Variants in ATXN7L1 observed in about 807,000 individuals in gnomAD.
ATXN7L1 encodes ataxin 7 like 1, also known as ataxin-7-like protein 1.
Under a neutral mutation model 70.8 loss-of-function variants are expected in ATXN7L1, and 15 were observed. The ratio of observed to expected loss-of-function variants is 0.21; its 90% CI spans 0.14 to 0.33. ATXN7L1 has a LOEUF of 0.33. Among genes scored for constraint, ATXN7L1 ranks in the 10% least tolerant of loss-of-function variants. The pLI is 1.00. For synonymous variants in ATXN7L1, 440 were observed against 445.1 expected (o/e 0.99, Z 0.14); for missense variants, 975 against 1,097.1 (o/e 0.89, Z 1.57).
intron 2 of ATXN7L1, chr7:105,819,654 C>G (rs1051891592): frequency 2.0e-5 from 19 of 930,132 alleles, no homozygotes; most frequent in Non-Finnish European, 3.3e-5. Flanking sequence ...GTTGAAGTAC[C>G]TGGTCTTCCT....
At chr7:105,803,709 G>A (rs974669778) in intron 2 of ATXN7L1, among the ~76,000 whole-genome samples, 30 of 152,294 alleles carry the variant, frequency 2.0e-4, no homozygotes, top group Non-Finnish European at 4.0e-4. Context: ...CTGCATTTTG[G>A]AACAAAGTTT....
chr7:105,815,843 C>T (rs948465568), intron 2 of ATXN7L1, among the ~76,000 whole-genome samples: 1 of 152,106 alleles, frequency 6.6e-6, no homozygotes, highest in Non-Finnish European at 1.5e-5. Context: ...AGCTGGGGAC[C>T]GAGAGTTCAC....
rs1371758041 is a variant in ATXN7L1, at chr7:105,605,181, G to C, written c.*2671C>G. 6.6e-6 allele frequency: 1 copy of C among 151,450 alleles called. No individual in the cohort carries two copies. Among genetic ancestry groups the C allele is most frequent in the Non-Finnish European group, 1.5e-5 (1 of 67,962 alleles). The allele number at this position is 151,450 out of a possible 1,614,324, so 9.4% of individuals were successfully genotyped here. A position where few individuals can be genotyped will look rare whatever the true frequency, so the allele number is the denominator to read the frequency against. ...AAAGAGGGGTGTGTGCAGTCAAGGG[G>C]CTGGGAGAGAAGACTGAGTGGGTGT... On this transcript the variant is annotated 3_prime_UTR_variant, in exon 12 of 12. Coordinates refer to ENST00000419735, the MANE Select transcript of ATXN7L1 (RefSeq NM_020725.2).
chr7:105,871,356 A>G (rs558466893), intron 2 of ATXN7L1, among the ~76,000 whole-genome samples: 53 of 152,314 alleles, frequency 3.5e-4, no homozygotes, highest in African/African-American at 1.2e-3. Flanking sequence ...ATATAAGCCC[A>G]TCTAAGCATA....
At chr7:105,666,525 C>A (rs918731651) in intron 3 of ATXN7L1, among the ~76,000 whole-genome samples, 2 of 152,216 alleles carry the variant, frequency 1.3e-5, no homozygotes, top group Non-Finnish European at 2.9e-5. Flanking sequence ...CCACCTGTGG[C>A]CAGCTGCGAC....
At chr7:105,766,337 T>G (rs970230878) in intron 3 of ATXN7L1, among the ~76,000 whole-genome samples, 1 of 152,076 alleles carries the variant, frequency 6.6e-6, no homozygotes, top group African/African-American at 2.4e-5. Context: ...TATGCACCTT[T>G]CCCACTGACT....
chr7:105,701,139 C>T (rs1792405420), intron 3 of ATXN7L1, among the ~76,000 whole-genome samples: 1 of 150,908 alleles, frequency 6.6e-6, no homozygotes, highest in African/African-American at 2.4e-5. Flanking sequence ...CTAAAAATTA[C>T]AGCAAAAGGG....
intron 2 of ATXN7L1, chr7:105,819,879 GC>G: frequency 1.7e-6 from 1 of 584,498 alleles, no homozygotes; most frequent in South Asian, 1.4e-5. Flanking sequence ...TGCATCTGAA[GC>G]CTACAAGAAA....
At chr7:105,819,639 T>A (rs2116561070) in intron 2 of ATXN7L1, 1 of 889,156 alleles carries the variant, frequency 1.1e-6, no homozygotes. Context: ...TTTCTACAGA[T>A]ACAAGTTGAA....
intron 5 of ATXN7L1, among the ~76,000 whole-genome samples, chr7:105,639,845 G>A (rs1053349181): frequency 1.3e-5 from 2 of 152,200 alleles, no homozygotes; most frequent in Non-Finnish European, 2.9e-5. Flanking sequence ...GGAATAGGGC[G>A]GGAGCAGGCA....
chr7:105,788,875 C>G (rs1237484007), intron 2 of ATXN7L1, among the ~76,000 whole-genome samples, 167 bp from the exon 3 acceptor site: 1 of 152,242 alleles, frequency 6.6e-6, no homozygotes, highest in Non-Finnish European at 1.5e-5. Flanking sequence ...AACTCCCCGC[C>G]TCTTAGAGAA....
chr7:105,752,152 C>A (rs972457508), intron 3 of ATXN7L1, among the ~76,000 whole-genome samples: 14 of 152,212 alleles, frequency 9.2e-5, no homozygotes, highest in South Asian at 6.2e-4. Context: ...AGAACAATTG[C>A]GAATTCACAG....
At chr7:105,742,600 G>T (rs1452670703) in intron 3 of ATXN7L1, among the ~76,000 whole-genome samples, 1 of 152,168 alleles carries the variant, frequency 6.6e-6, no homozygotes, top group Admixed American at 6.5e-5. Flanking sequence ...GGGGATGCAG[G>T]CAATTTGGTT....
chr7:105,725,202 G>T (rs1795662186), intron 3 of ATXN7L1, among the ~76,000 whole-genome samples: 1 of 152,106 alleles, frequency 6.6e-6, no homozygotes, highest in African/African-American at 2.4e-5. Context: ...AGAATACAAA[G>T]CTAAAGAGAG....
chr7:105,775,651 G>C (rs1802626767), intron 3 of ATXN7L1, among the ~76,000 whole-genome samples: 1 of 152,212 alleles, frequency 6.6e-6, no homozygotes. Context: ...AGTACACGTA[G>C]TATGTGGGAC....
chr7:105,687,618 G>A (rs1410075336), intron 3 of ATXN7L1, among the ~76,000 whole-genome samples: 1 of 152,168 alleles, frequency 6.6e-6, no homozygotes, highest in Admixed American at 6.5e-5. Context: ...ATAAACTTTG[G>A]TTGTTGAACC....
At chr7:105,804,417 G>C (rs946261818) in intron 2 of ATXN7L1, among the ~76,000 whole-genome samples, 5 of 152,180 alleles carry the variant, frequency 3.3e-5, no homozygotes, top group African/African-American at 1.2e-4. Context: ...CATGGGCTGT[G>C]TTCACAAGAA....
At chr7:105,681,637 G>A (rs1805569862) in intron 3 of ATXN7L1, among the ~76,000 whole-genome samples, 1 of 152,148 alleles carries the variant, frequency 6.6e-6, no homozygotes, top group Admixed American at 6.6e-5. Context: ...TAGTCAAAAG[G>A]TGGAAGCAAC....
At chr7:105,716,665 G>GCGCA (rs1794581919) in intron 3 of ATXN7L1, among the ~76,000 whole-genome samples, 2 of 125,524 alleles carry the variant, frequency 1.6e-5, no homozygotes, top group African/African-American at 2.8e-5. Context: ...ACCTATCTCT[G>GCGCA]CACACACACA....
Sources: gnomAD v4.1 joint callset for allele counts (sites outside exome capture counted in the v4.1 genomes callset) on GRCh38, gnomAD v4.1.1 for gene constraint, MANE v1.5 for transcripts, NCBI Gene and HGNC (gene_info 2026-07-23, HGNC 2026-07-21) for gene names.